Variants in RASSF3 observed in about 807,000 individuals in gnomAD.
RASSF3 encodes the protein Ras association domain family member 3.
Under a neutral mutation model 19.9 loss-of-function variants are expected in RASSF3, and 19 were observed. That is an observed-to-expected ratio of 0.96 (90% CI 0.67 to 1.40). The LOEUF (loss-of-function observed/expected upper bound fraction) is 1.40. Among genes scored for constraint, RASSF3 ranks in the 40% most tolerant of loss-of-function variants. RASSF3 has a pLI of 0.00. For missense variants in RASSF3, 306 were observed against 289.8 expected (o/e 1.06, Z -0.41); for synonymous variants, 110 against 104.2 (o/e 1.06, Z -0.34).
At chr12:64,566,868 T>G (rs1292645040) in intron 2 of RASSF3, among the ~76,000 whole-genome samples, 4 of 152,080 alleles carry the variant, frequency 2.6e-5, no homozygotes, top group Admixed American at 2.6e-4. Context: ...AACTCTGAGG[T>G]GGTGTTTTTG....
intron 2 of RASSF3, among the ~76,000 whole-genome samples, chr12:64,562,287 C>T (rs7136594): frequency 0.5 from 76,587 of 151,876 alleles, 22,141 homozygotes; most frequent in Non-Finnish European, 0.65. Flanking sequence ...GTTATCCGCC[C>T]GCCTCGGCCT....
chr12:64,630,321 T>C (rs1167659327), intron 1 of RASSF3, among the ~76,000 whole-genome samples: 2 of 151,790 alleles, frequency 1.3e-5, no homozygotes, highest in African/African-American at 4.8e-5. Flanking sequence ...AGCCCAGGAG[T>C]TTGAGACCAG....
At chr12:64,526,762 T>C (rs1164746064) in intron 1 of RASSF3, among the ~76,000 whole-genome samples, 1 of 152,188 alleles carries the variant, frequency 6.6e-6, no homozygotes. Context: ...CACAGGCTGG[T>C]CTTGAACTCC....
intron 2 of RASSF3, among the ~76,000 whole-genome samples, chr12:64,584,782 G>A (rs1307626464): frequency 6.6e-6 from 1 of 151,950 alleles, no homozygotes; most frequent in Admixed American, 6.6e-5. Context: ...AGCAAATTTC[G>A]GGGGAGAGGG....
chr12:64,676,324 C>T (rs2136211770), intron 1 of RASSF3, among the ~76,000 whole-genome samples: 1 of 151,604 alleles, frequency 6.6e-6, no homozygotes, highest in African/African-American at 2.4e-5. Flanking sequence ...TGTGCCACCA[C>T]ACTGGGCTAA....
intron 1 of RASSF3, among the ~76,000 whole-genome samples, chr12:64,659,751 C>T (rs943227523): frequency 6.6e-6 from 1 of 151,958 alleles, no homozygotes. Context: ...AGTTTGAGAC[C>T]ATCCTGGCCA....
chr12:64,556,298 G>T (rs952041557), intron 2 of RASSF3, among the ~76,000 whole-genome samples: 2 of 152,122 alleles, frequency 1.3e-5, no homozygotes, highest in Non-Finnish European at 2.9e-5. Context: ...GGGACTGCAG[G>T]CATGCACACC....
rs1280764414 is a variant in RASSF3 at position 64,585,463 on chromosome 12, A to G, written c.294+43758A>G. Reference sequence around the variant, plus strand: ...AGGCTAGGGAGAGAACTTTGGGAATATAGTACATTGTTTTCAGCACTATGA... The same window carrying G: ...AGGCTAGGGAGAGAACTTTGGGAATGTAGTACATTGTTTTCAGCACTATGA... On this transcript the variant is annotated intron_variant, in intron 2 of 5. Coordinates refer to the RASSF3 transcript ENST00000637125. 2.6e-5 allele frequency among the ~76,000 whole-genome samples: 4 copies of G among 152,336 alleles called. No homozygotes were observed. In the East Asian group the frequency reaches 7.7e-4, roughly 29 times the overall value.
intron 2 of RASSF3, among the ~76,000 whole-genome samples, chr12:64,601,219 G>C (rs921195960): frequency 5.9e-5 from 9 of 152,128 alleles, no homozygotes; most frequent in African/African-American, 2.2e-4. Flanking sequence ...AACCTGGGAG[G>C]TTGAAGCTAT....
chr12:64,598,870 T>C (rs1405530149), intron 2 of RASSF3, among the ~76,000 whole-genome samples: 2 of 149,590 alleles, frequency 1.3e-5, no homozygotes, highest in African/African-American at 4.9e-5. Context: ...GTATATCTCC[T>C]AATGCTATCC....
chr12:64,512,552 A>AG (rs1217214784), intron 1 of RASSF3, among the ~76,000 whole-genome samples: 2 of 152,204 alleles, frequency 1.3e-5, no homozygotes, highest in African/African-American at 4.8e-5. Flanking sequence ...GCAAGGAGAG[A>AG]GGAGAAAGTT....
chr12:64,610,887 T>G, intron 1 of RASSF3, 144 bp downstream of exon 1: 1 of 507,194 alleles, frequency 2.0e-6, no homozygotes. Context: ...AAGTGGCTTC[T>G]GCCTTTTCGG....
intron 2 of RASSF3, among the ~76,000 whole-genome samples, chr12:64,577,548 T>C (rs1225834311): frequency 3.9e-5 from 6 of 152,086 alleles, no homozygotes; most frequent in African/African-American, 1.2e-4. Context: ...CTGGCCAACA[T>C]GGGGGAATCC....
intron 1 of RASSF3, among the ~76,000 whole-genome samples, chr12:64,508,730 C>CA (rs1220586962): frequency 1.3e-5 from 2 of 151,650 alleles, no homozygotes; most frequent in African/African-American, 4.8e-5. Context: ...ACTAAAAATA[C>CA]AAAATTAGCT....
chr12:64,667,451 C>G (rs1199049143), intron 1 of RASSF3, among the ~76,000 whole-genome samples: 1 of 152,184 alleles, frequency 6.6e-6, no homozygotes, highest in East Asian at 1.9e-4. Context: ...CTCAGCCTCC[C>G]AAAGTACTGG....
chr12:64,531,196 G>A (rs916218825), upstream of RASSF3, among the ~76,000 whole-genome samples: 4 of 152,046 alleles, frequency 2.6e-5, no homozygotes, highest in South Asian at 2.1e-4. Context: ...TTAGCCTTAC[G>A]ATCTACTTTG....
chr12:64,524,881 C>T (rs992021659), intron 1 of RASSF3, among the ~76,000 whole-genome samples: 1 of 152,192 alleles, frequency 6.6e-6, no homozygotes, highest in South Asian at 2.1e-4. Context: ...AGTTCATGTT[C>T]CAGCTTCATC....
chr12:64,637,715 C>T (rs909107385), intron 1 of RASSF3, among the ~76,000 whole-genome samples: 10 of 152,054 alleles, frequency 6.6e-5, no homozygotes, highest in African/African-American at 2.4e-4. Context: ...CAGACATGAG[C>T]CACCATGCCC....
intron 1 of RASSF3, among the ~76,000 whole-genome samples, chr12:64,653,231 T>G (rs1207061483): frequency 6.6e-6 from 1 of 152,102 alleles, no homozygotes; most frequent in Admixed American, 6.6e-5. Flanking sequence ...CACCAGGCCT[T>G]GCTAATTTTT....
Sources: allele counts gnomAD v4.1 joint callset (sites outside exome capture counted in the v4.1 genomes callset), GRCh38; gene constraint gnomAD v4.1.1; transcripts MANE v1.5; gene names NCBI Gene and HGNC (gene_info 2026-07-23, HGNC 2026-07-21).